The following CARS1 variants were observed in gnomAD, a reference collection of about 807,000 sequenced individuals.
The protein encoded by CARS1 is cysteine--tRNA ligase, cytoplasmic.
A neutral mutation model predicts 106.2 loss-of-function variants in CARS1; 48 were observed. The observed-to-expected ratio is 0.45, with a 90% CI of 0.36 to 0.57. The LOEUF is 0.57. Among genes scored for constraint, CARS1 ranks in the 20% least tolerant of loss-of-function variants. The pLI, the probability that CARS1 is intolerant of heterozygous loss-of-function variation, is 0.00. For synonymous variants in CARS1, 409 were observed against 403.4 expected (o/e 1.01, Z -0.17); for missense variants, 968 against 1,057.2 (o/e 0.92, Z 1.17).
At chr11:3,018,532 G>A (rs1171464668) in intron 13 of CARS1, 21 bp from the exon 14 acceptor site, 2 of 1,612,662 alleles carry the variant, frequency 1.2e-6, no homozygotes, top group Non-Finnish European at 1.7e-6. Flanking sequence ...ACACAAGACA[G>A]CCAACGCCCT....
intron 18 of CARS1, chr11:3,009,237 T>C (rs981850568): frequency 6.6e-6 from 1 of 152,190 alleles, no homozygotes; most frequent in Non-Finnish European, 1.5e-5. Context: ...GGCCCATCCA[T>C]CCATGGAATA....
In CARS1 at chr11:3,019,875, T is replaced by C. The variant is rs1204083535; in HGVS notation, c.1266+345A>G. 6.6e-6 allele frequency among the ~76,000 whole-genome samples: 1 copy of C among 152,120 alleles called. No individual in the cohort carries two copies. The highest frequency in any genetic ancestry group is 1.5e-5 in the Non-Finnish European group (1 of 68,004). On this transcript the variant is annotated intron_variant, in intron 11 of 22. Coordinates refer to ENST00000380525, the MANE Select transcript of CARS1 (RefSeq NM_001014437.3). The surrounding 1 kb of genome is among the most constrained non-coding windows in gnomAD (Gnocchi z 6.2). The stretch of plus-strand genomic sequence containing the variant: ...AGGGTACCCTGCAGTCAACAACTCC[T>C]GTCACCGGGAAGATCAGAACGCATC...
intron 2 of CARS1, among the ~76,000 whole-genome samples, chr11:3,047,442 C>G (rs559685492): frequency 6.6e-6 from 1 of 152,196 alleles, no homozygotes; most frequent in African/African-American, 2.4e-5. Context: ...GGCTAGGGCC[C>G]GTGGCCTGGG....
At chr11:3,005,670 T>C (rs1352569799) in intron 19 of CARS1, among the ~76,000 whole-genome samples, 10 of 149,382 alleles carry the variant, frequency 6.7e-5, no homozygotes, top group Middle Eastern at 3.5e-3. Flanking sequence ...TCTTGCTCTG[T>C]CATCCAGGCT....
In CARS1 at chr11:3,039,316, G is replaced by C; in HGVS notation, c.553-24C>G. 1 of 1,446,390 alleles carries C rather than the reference G, an allele frequency of 6.9e-7. No homozygotes were observed. Among genetic ancestry groups the C allele is most frequent in the Non-Finnish European group, 9.7e-7 (1 of 1,027,736 alleles). The allele number at this position is 1,446,390 out of a possible 1,614,324, so 89.6% of individuals were successfully genotyped here. Reference sequence around the variant, plus strand: ...ATCTGGGGAGGGAAGGCAGACATTGGGGAGTGATGCTTGGATCCCACATGC... The same window carrying C: ...ATCTGGGGAGGGAAGGCAGACATTGCGGAGTGATGCTTGGATCCCACATGC... On this transcript the variant is annotated intron_variant, in intron 5 of 22. Transcript: ENST00000380525. The surrounding 1 kb of genome is among the most constrained non-coding windows in gnomAD (Gnocchi z 5.6).
At position 3,026,734 on chromosome 11, in the gene CARS1, G is replaced by A. The variant is rs753963246; in HGVS notation, c.1095C>T (p.Ser365=). The change falls in exon 10 of 23, where the codon TCC becomes TCT. Residue 365 remains serine (S), a synonymous_variant. Transcript: ENST00000380525. ...CGGCCTCAGGCACCAGCTTCCCATA[G>A]GAGTGCTTCTCGCTAGAAGCAAACT... is the stretch of plus-strand genomic sequence containing the variant. ...TAKFASSEKH[S]YGKLVPEAVG... The A allele has an allele frequency of 1.9e-6, 3 of 1,613,978 alleles. No individual in the cohort carries two copies. Among genetic ancestry groups the A allele is most frequent in the Non-Finnish European group, 1.7e-6 (2 of 1,179,932 alleles).
At chr11:3,056,958 C>T (rs74048785) in intron 1 of CARS1, among the ~76,000 whole-genome samples, 14,363 of 152,238 alleles carry the variant, frequency 0.094, 769 homozygotes, top group African/African-American at 0.13. Flanking sequence ...GCTCCAGCCA[C>T]GGGTCTGGCA....
intron 1 of CARS1, among the ~76,000 whole-genome samples, chr11:3,055,247 G>A (rs557162090): frequency 1.3e-5 from 2 of 152,164 alleles, no homozygotes; most frequent in Admixed American, 6.5e-5. Flanking sequence ...TGCAAGCTCC[G>A]CCTCCTGGGT....
In CARS1 at chr11:3,053,683, G is replaced by A. The variant is rs1053012988; in HGVS notation, c.25+3660C>T. Among the ~76,000 whole-genome samples, 2 of 152,170 alleles carry A rather than the reference G, an allele frequency of 1.3e-5. No homozygotes were observed. Among genetic ancestry groups the A allele is most frequent in the African/African-American group, 4.8e-5 (2 of 41,444 alleles). On this transcript the variant is annotated intron_variant, in intron 1 of 22. Transcript: ENST00000380525. This position sits in a 1 kb window ranked among gnomAD's most constrained non-coding sequence, Gnocchi z 6.6. ...AAGTCACATTCTTGGGCTCACCAGA[G>A]ACCTGCCAAATCAGAATCTCTGGGG...
chr11:3,032,208 G>A (rs570624380), intron 7 of CARS1, among the ~76,000 whole-genome samples: 95 of 151,906 alleles, frequency 6.3e-4, no homozygotes, highest in African/African-American at 1.6e-3. Context: ...GAGTAGAAGG[G>A]ATTACAGTCA....
At chr11:3,024,714 C>T (rs914201124) in intron 10 of CARS1, among the ~76,000 whole-genome samples, 3 of 152,182 alleles carry the variant, frequency 2.0e-5, no homozygotes, top group African/African-American at 7.2e-5. Flanking sequence ...TCCCAAAGTG[C>T]TGGGATTACA....
rs1590507196 is a variant in CARS1 at position 3,041,002 on chromosome 11, G to A, written c.367-18C>T. The A allele has an allele frequency of 6.2e-7, 1 of 1,614,006 alleles. No individual in the cohort carries two copies. On this transcript the variant is annotated intron_variant, in intron 3 of 22. Coordinates refer to ENST00000380525, the MANE Select transcript of CARS1 (RefSeq NM_001014437.3). The surrounding 1 kb of genome is among the most constrained non-coding windows in gnomAD (Gnocchi z 4.9). ...AACACTTCCTTTGTTAGGAATGAAG[G>A]AATGACGATCACAAGAAATGCAAGA...
intron 17 of CARS1, among the ~76,000 whole-genome samples, chr11:3,014,825 C>T (rs73425691): frequency 0.04 from 6,018 of 152,304 alleles, 413 homozygotes; most frequent in African/African-American, 0.14. Flanking sequence ...CAAGTTGGTT[C>T]CTGGGGGAGC....
At position 3,050,051 on chromosome 11, in the gene CARS1, C is replaced by T. The variant is rs562794406; in HGVS notation, c.26-2050G>A. Among the ~76,000 whole-genome samples the T allele has an allele frequency of 6.6e-5, 10 of 152,328 alleles. No individual in the cohort carries two copies. Among genetic ancestry groups the T allele is most frequent in the Admixed American group, 2.0e-4 (3 of 15,308 alleles). ...TGCCCCACTGGGCCGAGCTCTTCAC[C>T]CGCCAGGGAGCCTACGGAGCCACGT... On this transcript the variant is annotated intron_variant, in intron 1 of 22. Coordinates refer to ENST00000380525, the MANE Select transcript of CARS1 (RefSeq NM_001014437.3). This position sits in a 1 kb window ranked among gnomAD's most constrained non-coding sequence, Gnocchi z 6.3.
Position 3,019,279 on chromosome 11 carries a change from C to T in CARS1, c.1267-12G>A, listed in dbSNP as rs1851345014. 1 of 1,406,798 alleles carries T rather than the reference C, an allele frequency of 7.1e-7. No homozygotes were observed. The highest frequency in any genetic ancestry group is 9.3e-7 in the Non-Finnish European group (1 of 1,072,058). 87.1% of individuals were successfully genotyped at this position (1,406,798 alleles called of 1,614,324 possible). ...CAGCCCGGACGACCCTGGAGAAAGC[C>T]GAACACACAGTGACTGACCAGCCTA... On this transcript the variant is annotated splice_polypyrimidine_tract_variant and intron_variant, in intron 11 of 22. Coordinates refer to ENST00000380525, the MANE Select transcript of CARS1 (RefSeq NM_001014437.3). This position sits in a 1 kb window ranked among gnomAD's most constrained non-coding sequence, Gnocchi z 6.2.
At chr11:3,026,056 T>A (rs1050236089) in intron 10 of CARS1, among the ~76,000 whole-genome samples, 11 of 152,206 alleles carry the variant, frequency 7.2e-5, no homozygotes, top group Non-Finnish European at 1.0e-4. Context: ...TGGATGGAAC[T>A]GGAAGACATT....
chr11:3,047,723 A>G (rs1855243915), intron 2 of CARS1, 30 bp downstream of exon 2: 2 of 1,584,398 alleles, frequency 1.3e-6, no homozygotes, highest in Admixed American at 1.8e-5. Flanking sequence ...GAGAGGTTCT[A>G]ATGGCCAGGG....
rs1852113876 is a variant in CARS1 at position 3,026,698 on chromosome 11, C to G, written c.1131G>C (p.Gln377His). 1.9e-6 allele frequency: 3 copies of G among 1,613,924 alleles called. No individual in the cohort carries two copies. In the South Asian group the frequency reaches 3.3e-5, roughly 18 times the overall value. The change falls in exon 10 of 23, where the codon CAG (glutamine) becomes CAC (histidine). Residue 377 changes from glutamine (Q) to histidine (H), a missense_variant. Physicochemically the swap from Gln to His is conservative, Grantham distance 24 (BLOSUM62 0). Coordinates refer to ENST00000380525, the MANE Select transcript of CARS1 (RefSeq NM_001014437.3). ...GKLVPEAVGD[Q>H]KALQEGEGDL... ...CACCTTCCCCTTCTTGAAGGGCTTT[C>G]TGATCTCCAACGGCCTCAGGCACCA...
Position 3,040,851 on chromosome 11 carries a change from G to A in CARS1, c.455+45C>T. 1 of 1,599,586 alleles carries A rather than the reference G, an allele frequency of 6.3e-7. No homozygotes were observed. Among genetic ancestry groups the A allele is most frequent in the Admixed American group, 1.7e-5 (1 of 58,542 alleles). ...GTGGATCCCAATGGCTCTGACTTCT[G>A]CGTGCAACTGCAGAAGCTGCAGGGA... On this transcript the variant is annotated intron_variant, in intron 4 of 22. Coordinates refer to ENST00000380525, the MANE Select transcript of CARS1 (RefSeq NM_001014437.3). The surrounding 1 kb of genome is among the most constrained non-coding windows in gnomAD (Gnocchi z 5.8).
Sources: gnomAD v4.1 joint callset for allele counts (sites outside exome capture counted in the v4.1 genomes callset) on GRCh38, gnomAD v4.1.1 for gene constraint, Gnocchi (gnomAD v3.1) non-coding constraint, MANE v1.5 for transcripts, NCBI Gene and HGNC (gene_info 2026-07-23, HGNC 2026-07-21) for gene names.